The following GADL1 variants were observed in gnomAD, a reference collection of about 807,000 sequenced individuals.
GADL1 encodes acidic amino acid decarboxylase GADL1.
Under a neutral mutation model 69.5 loss-of-function variants are expected in GADL1, and 71 were observed. The ratio of observed to expected loss-of-function variants is 1.02; its 90% CI spans 0.84 to 1.25. GADL1 has a LOEUF of 1.25. GADL1 is among the 50% of genes most tolerant of loss of function. The pLI, the probability that GADL1 is intolerant of heterozygous loss-of-function variation, is 0.00. For synonymous variants in GADL1, 254 were observed against 214.4 expected (o/e 1.18, Z -1.62); for missense variants, 737 against 631.8 (o/e 1.17, Z -1.79).
chr3:30,748,384 A>G (rs1021661835), intron 14 of GADL1, among the ~76,000 whole-genome samples: 5 of 152,182 alleles, frequency 3.3e-5, no homozygotes, highest in African/African-American at 1.2e-4. Flanking sequence ...AGATTCAGCT[A>G]ATGAGTCCAC....
intron 1 of GADL1, among the ~76,000 whole-genome samples, chr3:30,889,585 C>A: frequency 6.6e-6 from 1 of 152,154 alleles, no homozygotes; most frequent in East Asian, 1.9e-4. Flanking sequence ...TGGCAACATG[C>A]TGAAAAATTA....
In GADL1 at chr3:30,882,938, G is replaced by A. The variant is rs547726551; in HGVS notation, c.37+11640C>T. Among the ~76,000 whole-genome samples, 234 of 151,818 alleles carry A rather than the reference G, an allele frequency of 1.5e-3. No homozygotes were observed. In the Middle Eastern group the frequency reaches 0.017, roughly 11 times the overall value. On this transcript the variant is annotated intron_variant, in intron 1 of 14. Transcript: ENST00000282538. The stretch of plus-strand genomic sequence containing the variant: ...TGTTAGTGATAGTGAGCATCTTTGC[G>A]TACATTTGTTGGTTATTGGTGTATC...
chr3:30,732,004 G>T (rs979520763), intron 14 of GADL1, among the ~76,000 whole-genome samples: 3 of 152,264 alleles, frequency 2.0e-5, no homozygotes, highest in African/African-American at 7.2e-5. Flanking sequence ...TCAAATTAAA[G>T]CTTATTTGAA....
chr3:30,848,374 T>G (rs1012497525), intron 6 of GADL1, among the ~76,000 whole-genome samples: 9 of 152,156 alleles, frequency 5.9e-5, no homozygotes, highest in Admixed American at 3.3e-4. Context: ...GAGGAAAACA[T>G]GAGAGTGGTC....
intron 13 of GADL1, among the ~76,000 whole-genome samples, chr3:30,780,543 T>C (rs956821215): frequency 6.6e-5 from 10 of 152,200 alleles, no homozygotes; most frequent in African/African-American, 2.4e-4. Context: ...CACTTTACCA[T>C]GCAGTTCTTG....
Position 30,850,353 on chromosome 3 carries a change from C to CT in GADL1, c.536-243dup, listed in dbSNP as rs200744051. Among the ~76,000 whole-genome samples the CT allele has an allele frequency of 6.4e-3, 966 of 152,116 alleles. 9 individuals carry two copies. The highest frequency in any genetic ancestry group is 0.022 in the African/African-American group (923 of 41,514). On this transcript the variant is annotated intron_variant, in intron 5 of 14. Coordinates refer to ENST00000282538, the MANE Select transcript of GADL1 (RefSeq NM_207359.3). ...AATTTTGGTTTATTCCCATGACAGGCTTTTTTTCAAACCAAAAGTCTCAAT... is the reference window on the plus strand; with the variant it reads ...AATTTTGGTTTATTCCCATGACAGGCTTTTTTTTCAAACCAAAAGTCTCAAT...
At chr3:30,820,548 C>A (rs1427087527) in intron 11 of GADL1, among the ~76,000 whole-genome samples, 1 of 152,036 alleles carries the variant, frequency 6.6e-6, no homozygotes, top group Non-Finnish European at 1.5e-5. Context: ...CTTACATCAG[C>A]CTTAGCAGTT....
intron 12 of GADL1, among the ~76,000 whole-genome samples, chr3:30,797,516 G>A (rs1017015333): frequency 8.5e-5 from 13 of 152,094 alleles, no homozygotes; most frequent in Admixed American, 1.3e-4. Flanking sequence ...TTTGAGATAC[G>A]TGTTATTATC....
intron 12 of GADL1, among the ~76,000 whole-genome samples, chr3:30,786,658 T>G (rs979432591): frequency 4.6e-5 from 7 of 152,214 alleles, no homozygotes; most frequent in Admixed American, 6.5e-5. Flanking sequence ...AACCCTGGTG[T>G]GAAAAGCCAG....
At chr3:30,848,980 G>A (rs1404807966) in intron 6 of GADL1, among the ~76,000 whole-genome samples, 2 of 152,074 alleles carry the variant, frequency 1.3e-5, no homozygotes, top group African/African-American at 4.8e-5. Context: ...CTTGGGTCTG[G>A]GCTCACAGAT....
chr3:30,869,174 T>C (rs1575241950), intron 1 of GADL1, among the ~76,000 whole-genome samples: 1 of 151,816 alleles, frequency 6.6e-6, no homozygotes, highest in Non-Finnish European at 1.5e-5. Context: ...AAACTGAAGA[T>C]ATATTTTCTC....
intron 11 of GADL1, among the ~76,000 whole-genome samples, chr3:30,820,026 T>C (rs1447470800): frequency 2.0e-5 from 3 of 151,958 alleles, no homozygotes; most frequent in Admixed American, 2.0e-4. Flanking sequence ...TTAAAGAAGT[T>C]TTAAAACTGC....
At chr3:30,731,549 G>A (rs908754834) in intron 14 of GADL1, among the ~76,000 whole-genome samples, 1 of 152,136 alleles carries the variant, frequency 6.6e-6, no homozygotes, top group African/African-American at 2.4e-5. Flanking sequence ...CACCTCAGAT[G>A]TTTTAATATA....
At chr3:30,869,707 A>G (rs1698453526) in intron 1 of GADL1, among the ~76,000 whole-genome samples, 1 of 151,752 alleles carries the variant, frequency 6.6e-6, no homozygotes, top group African/African-American at 2.4e-5. Context: ...AATTCTCCTT[A>G]GCTGAAATCC....
chr3:30,743,414 G>A (rs1308694838), intron 14 of GADL1, among the ~76,000 whole-genome samples: 4 of 152,194 alleles, frequency 2.6e-5, no homozygotes, highest in South Asian at 2.1e-4. Context: ...TCAGAATAGC[G>A]CATAACAATT....
In GADL1 at chr3:30,821,064, T is replaced by C. The variant is rs142654380; in HGVS notation, c.1050+12789A>G. On this transcript the variant is annotated intron_variant, in intron 11 of 14. Coordinates refer to ENST00000282538, the MANE Select transcript of GADL1 (RefSeq NM_207359.3). ...TGGAAATCATCATTCTCAGTAAACT[T>C]ATCGTAAAGACAAAAAACCAAACAC... 2.2e-3 allele frequency among the ~76,000 whole-genome samples: 331 copies of C among 152,190 alleles called. 1 individual carries two copies. Among genetic ancestry groups the C allele is most frequent in the African/African-American group, 7.6e-3 (317 of 41,530 alleles).
At chr3:30,889,658 C>T (rs1326663849) in intron 1 of GADL1, among the ~76,000 whole-genome samples, 1 of 151,930 alleles carries the variant, frequency 6.6e-6, no homozygotes, top group Non-Finnish European at 1.5e-5. Flanking sequence ...CTTTTTAAAT[C>T]ACGCATCTCT....
intron 14 of GADL1, among the ~76,000 whole-genome samples, chr3:30,775,437 A>G (rs1696514890): frequency 6.6e-6 from 1 of 152,252 alleles, no homozygotes; most frequent in South Asian, 2.1e-4. Context: ...TACAGTAAGC[A>G]TAAAACCTCA....
At chr3:30,894,527 C>A in intron 1 of GADL1, 51 bp downstream of exon 1, 2 of 1,478,324 alleles carry the variant, frequency 1.4e-6, no homozygotes, top group East Asian at 2.5e-5. Flanking sequence ...GAGATTAAAA[C>A]CCAGACAGGG....
Sources: allele counts gnomAD v4.1 joint callset (sites outside exome capture counted in the v4.1 genomes callset), GRCh38; gene constraint gnomAD v4.1.1; transcripts MANE v1.5; gene names NCBI Gene and HGNC (gene_info 2026-07-23, HGNC 2026-07-21).